Variants in GALNT3 observed in about 807,000 individuals in gnomAD.
GALNT3 encodes the protein GalNAc transferase 3.
In GALNT3, 51 loss-of-function variants were observed where a neutral mutation model predicts 69.8. The ratio of observed to expected loss-of-function variants is 0.73; its 90% CI spans 0.58 to 0.92. GALNT3 has a LOEUF of 0.92. GALNT3 is among the 40% of genes least tolerant of loss of function. GALNT3 has a pLI of 0.00. For missense variants in GALNT3, 711 were observed against 760.0 expected, an observed-to-expected ratio of 0.94 and a Z score of 0.76; for synonymous variants, 265 against 248.5, an observed-to-expected ratio of 1.07 and a Z score of -0.63.
chr2:165,783,188 A>G (rs1683149220), intron 1 of GALNT3, among the ~76,000 whole-genome samples: 1 of 152,116 alleles, frequency 6.6e-6, no homozygotes. Flanking sequence ...GCAGGCACAG[A>G]TTTTTTCATG....
chr2:165,762,030 T>G lies in GALNT3; in HGVS notation c.713A>C (p.Glu238Ala). 1 of 1,581,556 alleles carries G rather than the reference T, an allele frequency of 6.3e-7. No individual in the cohort carries two copies. The highest frequency in any genetic ancestry group is 8.7e-7 in the Non-Finnish European group (1 of 1,150,708). ...VDEYLHDKLD[E>A]YVKQFSIVKI... ...TACTATAGAAAATTGTTTTACATAT[T>G]CATCTAGTTTATCATGTAAGTACTC... is the stretch of plus-strand genomic sequence containing the variant. Residue 238 changes from glutamate to alanine, a missense_variant, in exon 4 of 11, where the codon GAA (glutamate) becomes GCA (alanine). Transcript: ENST00000392701.
At chr2:165,754,895 A>C in intron 8 of GALNT3, 37 bp downstream of exon 8, 1 of 1,607,646 alleles carries the variant, frequency 6.2e-7, no homozygotes, top group African/African-American at 1.3e-5. Context: ...GGTGGCAAGG[A>C]GTATATTAAT....
At chr2:165,781,604 G>GAAA (rs553855165) in intron 1 of GALNT3, among the ~76,000 whole-genome samples, 1 of 121,406 alleles carries the variant, frequency 8.2e-6, no homozygotes, top group Non-Finnish European at 1.8e-5. Context: ...TCTCAAAAAA[G>GAAA]AAAAAAAAAA....
At chr2:165,786,263 G>A (rs1441613375) in intron 1 of GALNT3, among the ~76,000 whole-genome samples, 1 of 152,206 alleles carries the variant, frequency 6.6e-6, no homozygotes, top group Non-Finnish European at 1.5e-5. Flanking sequence ...ATAAATGAAA[G>A]TAGTTGCTTT....
At chr2:165,779,259 T>A (rs1683048375) in intron 1 of GALNT3, among the ~76,000 whole-genome samples, 1 of 152,024 alleles carries the variant, frequency 6.6e-6, no homozygotes, top group African/African-American at 2.4e-5. Context: ...GGCTTAACAT[T>A]GTACGAGCCA....
At chr2:165,759,250 G>T in intron 5 of GALNT3, 86 bp downstream of exon 5, 1 of 1,030,410 alleles carries the variant, frequency 9.7e-7, no homozygotes, top group Non-Finnish European at 1.5e-6. Flanking sequence ...TTACCTCAGA[G>T]GCAATTGCTA....
intron 1 of GALNT3, among the ~76,000 whole-genome samples, chr2:165,780,185 A>G (rs1683073043): frequency 6.6e-6 from 1 of 152,056 alleles, no homozygotes; most frequent in Admixed American, 6.6e-5. Flanking sequence ...GCCCACTGAG[A>G]CAGCTGGAGA....
chr2:165,793,316 T>C (rs1683391334), intron 1 of GALNT3, among the ~76,000 whole-genome samples: 1 of 152,166 alleles, frequency 6.6e-6, no homozygotes, highest in Admixed American at 6.5e-5. Flanking sequence ...GGTTGGTGCG[T>C]GGCAGTTGGA....
intron 6 of GALNT3, 49 bp from the exon 7 acceptor site, chr2:165,757,296 A>C: frequency 6.4e-7 from 1 of 1,574,600 alleles, no homozygotes; most frequent in Non-Finnish European, 8.7e-7. Context: ...TAGAAAAATC[A>C]AAGTGTTGCT....
chr2:165,781,777 T>C (rs1241459549), intron 1 of GALNT3, among the ~76,000 whole-genome samples: 1 of 152,128 alleles, frequency 6.6e-6, no homozygotes, highest in Non-Finnish European at 1.5e-5. Flanking sequence ...ATCAATGTAG[T>C]GGATCAGTGT....
At chr2:165,759,268 A>AC in intron 5 of GALNT3, 68 bp downstream of exon 5, 1 of 1,250,390 alleles carries the variant, frequency 8.0e-7, no homozygotes, top group East Asian at 2.4e-5. Context: ...CTATAAAGCA[A>AC]ACAGTGTGTA....
chr2:165,774,494 T>C (rs951118606), intron 1 of GALNT3, among the ~76,000 whole-genome samples: 1 of 152,198 alleles, frequency 6.6e-6, no homozygotes, highest in East Asian at 1.9e-4. Flanking sequence ...ATGACGCAGA[T>C]AGAAGATAGT....
intron 3 of GALNT3, 140 bp from the exon 4 acceptor site, chr2:165,762,194 A>C (rs1688564283): frequency 1.4e-6 from 1 of 704,102 alleles, no homozygotes. Flanking sequence ...AGCAAAATGA[A>C]AATTTTATCT....
chr2:165,793,245 C>T (rs762253522), intron 1 of GALNT3, among the ~76,000 whole-genome samples: 1 of 152,112 alleles, frequency 6.6e-6, no homozygotes, highest in African/African-American at 2.4e-5. Flanking sequence ...ATGCCACAGG[C>T]AAACCATAGC....
intron 1 of GALNT3, among the ~76,000 whole-genome samples, chr2:165,786,000 G>A (rs1007764673): frequency 2.6e-5 from 4 of 152,262 alleles, no homozygotes; most frequent in South Asian, 2.1e-4. Flanking sequence ...AATCCTACTC[G>A]TAATATGCTT....
At chr2:165,751,710 C>T (rs1688360759) in intron 9 of GALNT3, among the ~76,000 whole-genome samples, 1 of 152,060 alleles carries the variant, frequency 6.6e-6, no homozygotes. Context: ...AACTGCATTA[C>T]ACTAGTAATA....
chr2:165,776,424 G>A (rs1361414719), intron 1 of GALNT3, among the ~76,000 whole-genome samples: 2 of 151,914 alleles, frequency 1.3e-5, no homozygotes, highest in Non-Finnish European at 2.9e-5. Flanking sequence ...TGTTCTTCTT[G>A]TACTCTTTCT....
intron 1 of GALNT3, among the ~76,000 whole-genome samples, chr2:165,785,899 T>C (rs561806224): frequency 6.6e-5 from 10 of 152,236 alleles, no homozygotes; most frequent in African/African-American, 2.2e-4. Flanking sequence ...GAAATTGTAC[T>C]CCAATAGATA....
rs1443379561 is a variant in GALNT3, at chr2:165,759,483, A to G, written c.926T>C (p.Ile309Thr). The part of the protein sequence containing the change: ...TAVVSPDIAS[I>T]DLNTFEFNKP... ...GTTGAATTCAAACGTGTTCAGATCTATGGATGCAATATCTGGACTTACGAC... is the reference window on the plus strand; with the variant it reads ...GTTGAATTCAAACGTGTTCAGATCTGTGGATGCAATATCTGGACTTACGAC... Residue 309 changes from isoleucine to threonine, a missense_variant, in exon 5 of 11, where the codon ATA becomes ACA. By Grantham distance (89) the Ile-to-Thr change is moderately conservative. Coordinates refer to ENST00000392701, the MANE Select transcript of GALNT3 (RefSeq NM_004482.4). The G allele has an allele frequency of 1.2e-6, 2 of 1,613,976 alleles. No homozygotes were observed. Among genetic ancestry groups the G allele is most frequent in the Non-Finnish European group, 8.5e-7 (1 of 1,180,012 alleles).
Sources: gnomAD v4.1 joint callset for allele counts (sites outside exome capture counted in the v4.1 genomes callset) on GRCh38, gnomAD v4.1.1 for gene constraint, MANE v1.5 for transcripts, NCBI Gene and HGNC (gene_info 2026-07-23, HGNC 2026-07-21) for gene names.